The following ACSM5 variants were observed in gnomAD, a reference collection of about 807,000 sequenced individuals.
ACSM5 encodes acyl-CoA synthetase medium chain family member 5, also known as acyl-coenzyme A synthetase ACSM5, mitochondrial.
ACSM5 carries 56 observed loss-of-function variants against 71.6 expected under a neutral mutation model. The observed-to-expected ratio is 0.78, with a 90% CI of 0.63 to 0.98. ACSM5 has a LOEUF of 0.98. Among genes scored for constraint, ACSM5 ranks in the 50% least tolerant of loss-of-function variants. The probability of loss-of-function intolerance (pLI) is 0.00; values close to 1 mark genes in which losing one functional copy is unlikely to be tolerated. For synonymous variants in ACSM5, 285 were observed against 281.5 expected, an observed-to-expected ratio of 1.01 and a Z score of -0.12; for missense variants, 723 against 726.0, an observed-to-expected ratio of 1.00 and a Z score of 0.05.
At chr16:20,412,836 A>T (rs141403121) in intron 2 of ACSM5, among the ~76,000 whole-genome samples, 1 of 152,258 alleles carries the variant, frequency 6.6e-6, no homozygotes, top group Non-Finnish European at 1.5e-5. Flanking sequence ...CATGTTAATT[A>T]TAAGAAGAGA....
intron 1 of ACSM5, 48 bp downstream of exon 1, chr16:20,409,713 G>A (rs989803222): frequency 6.6e-6 from 1 of 152,144 alleles, no homozygotes; most frequent in Admixed American, 6.5e-5. Context: ...CTGCCTCTGA[G>A]GCCTTTGCTG....
At chr16:20,435,208 T>G (rs765517901) in intron 10 of ACSM5, among the ~76,000 whole-genome samples, 5 of 152,108 alleles carry the variant, frequency 3.3e-5, no homozygotes, top group Non-Finnish European at 7.4e-5. Flanking sequence ...AGTTTTTGTA[T>G]TTTTAGTAGA....
At position 20,440,519 on chromosome 16, in the gene ACSM5, C is replaced by T. The variant is rs1431963911; in HGVS notation, c.*92C>T. ...GTCCCCATGGGGAGCATCATCTCTT[C>T]GACCCTAAAGATGTCAAAGGTGTGC... On this transcript the variant is annotated 3_prime_UTR_variant, in exon 14 of 14. Coordinates refer to ENST00000331849, the MANE Select transcript of ACSM5 (RefSeq NM_017888.3). 47 of 1,193,366 alleles carry T rather than the reference C, an allele frequency of 3.9e-5. No homozygotes were observed. In the East Asian group the frequency reaches 6.6e-4, roughly 17 times the overall value. The allele number at this position is 1,193,366 out of a possible 1,614,324, so 73.9% of individuals were successfully genotyped here.
intron 10 of ACSM5, 148 bp downstream of exon 10, chr16:20,431,469 A>T (rs1967099965): frequency 3.0e-6 from 2 of 670,062 alleles, no homozygotes; most frequent in Non-Finnish European, 5.1e-6. Context: ...GTTATTGATA[A>T]GGAAGACTAT....
intron 3 of ACSM5, among the ~76,000 whole-genome samples, chr16:20,418,505 G>C (rs539764507): frequency 6.6e-6 from 1 of 152,200 alleles, no homozygotes; most frequent in African/African-American, 2.4e-5. Flanking sequence ...CGGCAAACTG[G>C]AGATCACATG....
At chr16:20,437,441 T>C in intron 12 of ACSM5, 74 bp downstream of exon 12, 8 of 1,185,882 alleles carry the variant, frequency 6.7e-6, no homozygotes, top group Non-Finnish European at 9.9e-6. Flanking sequence ...GCAGGAAGGC[T>C]CAGATTGTCC....
At chr16:20,414,329 G>A (rs1188679580) in intron 2 of ACSM5, among the ~76,000 whole-genome samples, 1 of 152,120 alleles carries the variant, frequency 6.6e-6, no homozygotes, top group Non-Finnish European at 1.5e-5. Flanking sequence ...ATAATCATAA[G>A]GTACCCTATG....
At chr16:20,430,677 A>C (rs1967074896) in intron 8 of ACSM5, among the ~76,000 whole-genome samples, 1 of 151,784 alleles carries the variant, frequency 6.6e-6, no homozygotes, top group African/African-American at 2.4e-5. Context: ...AGAGAGGAAA[A>C]TGGAGAATGA....
intron 7 of ACSM5, among the ~76,000 whole-genome samples, chr16:20,428,304 G>T (rs1330352871): frequency 6.6e-6 from 1 of 152,182 alleles, no homozygotes; most frequent in Admixed American, 6.5e-5. Flanking sequence ...GCCCTCAGGT[G>T]TGGTGAAACT....
chr16:20,427,705 A>G (rs895173685), intron 6 of ACSM5, 83 bp from the exon 7 acceptor site: 2 of 918,264 alleles, frequency 2.2e-6, no homozygotes, highest in African/African-American at 3.2e-5. Flanking sequence ...TGGTACTGAG[A>G]CTATAAAGAT....
intron 2 of ACSM5, among the ~76,000 whole-genome samples, chr16:20,412,636 T>C (rs1305902204): frequency 2.0e-5 from 3 of 152,214 alleles, no homozygotes; most frequent in African/African-American, 7.2e-5. Flanking sequence ...AATGTGAAGC[T>C]TAACCAATGA....
intron 10 of ACSM5, among the ~76,000 whole-genome samples, chr16:20,435,728 A>G (rs1382397539): frequency 6.6e-6 from 1 of 152,236 alleles, no homozygotes; most frequent in African/African-American, 2.4e-5. Context: ...ATTCCAGTTT[A>G]TCTGTCTGGG....
rs369923282 is a variant in ACSM5, at chr16:20,418,273, A to T, written c.415+4A>T. The T allele has an allele frequency of 6.2e-7, 1 of 1,605,754 alleles. No individual in the cohort carries two copies. The highest frequency in any genetic ancestry group is 1.3e-5 in the African/African-American group (1 of 74,778). ...AGTGTGGCTTGCATGCGGACAGGTC[A>T]GTAAGCAGGGCTGGGAATTTTAGTT... On this transcript the variant is annotated splice_donor_region_variant and intron_variant, in intron 3 of 13. Transcript: ENST00000331849.
At chr16:20,420,176 A>G (rs1438330105) in intron 4 of ACSM5, among the ~76,000 whole-genome samples, 3 of 152,180 alleles carry the variant, frequency 2.0e-5, no homozygotes, top group Non-Finnish European at 4.4e-5. Flanking sequence ...TGAGTTATGA[A>G]TGCTCACCCC....
chr16:20,418,407 C>T, intron 3 of ACSM5, 138 bp downstream of exon 3: 1 of 894,480 alleles, frequency 1.1e-6, no homozygotes, highest in Non-Finnish European at 1.7e-6. Flanking sequence ...GCCTAACAAT[C>T]ACAGACTTGA....
At chr16:20,423,851 T>A in intron 5 of ACSM5, 65 bp from the exon 6 acceptor site, 1 of 1,590,520 alleles carries the variant, frequency 6.3e-7, no homozygotes, top group Non-Finnish European at 8.6e-7. Context: ...GTGATATAGA[T>A]AATACAATCC....
intron 6 of ACSM5, among the ~76,000 whole-genome samples, chr16:20,424,630 C>T (rs1445007021): frequency 1.3e-5 from 2 of 152,208 alleles, no homozygotes; most frequent in East Asian, 3.8e-4. Flanking sequence ...CACATGGTAG[C>T]TAACTGCATA....
intron 2 of ACSM5, among the ~76,000 whole-genome samples, chr16:20,415,689 G>A (rs957362704): frequency 6.6e-6 from 1 of 152,188 alleles, no homozygotes; most frequent in African/African-American, 2.4e-5. Context: ...TGTTAGTCAA[G>A]AATGTGGAAT....
In ACSM5 at chr16:20,418,222, C is replaced by T. The variant is rs765054062; in HGVS notation, c.368C>T (p.Pro123Leu). The change falls in exon 3 of 14, where the codon CCA becomes CTA. Residue 123 changes from proline (P) to leucine (L), a missense_variant. By Grantham distance (98) the Pro-to-Leu change is moderately conservative. Coordinates refer to ENST00000331849, the MANE Select transcript of ACSM5 (RefSeq NM_017888.3). Reference sequence around the variant, plus strand: ...GGGGACAGAATGATGCTGGTACTCCCACGGCTCCCGGAGTGGTGGCTGGTC... The same window carrying T: ...GGGGACAGAATGATGCTGGTACTCCTACGGCTCCCGGAGTGGTGGCTGGTC... ...QPGDRMMLVL[P>L]RLPEWWLVSV... 3 of 1,612,250 alleles carry T rather than the reference C, an allele frequency of 1.9e-6. No homozygotes were observed. Among genetic ancestry groups the T allele is most frequent in the Admixed American group, 3.3e-5 (2 of 59,980 alleles).
Sources: gnomAD v4.1 joint callset for allele counts (sites outside exome capture counted in the v4.1 genomes callset) on GRCh38, gnomAD v4.1.1 for gene constraint, MANE v1.5 for transcripts, NCBI Gene and HGNC (gene_info 2026-07-23, HGNC 2026-07-21) for gene names.